The following GABRR3 variants were observed in gnomAD, a reference collection of about 807,000 sequenced individuals.
GABRR3 encodes gamma-aminobutyric acid type A receptor subunit rho3, also known as gamma-aminobutyric acid receptor subunit rho-3.
A neutral mutation model predicts 43.2 loss-of-function variants in GABRR3; 29 were observed. The ratio of observed to expected loss-of-function variants is 0.67; its 90% confidence interval spans 0.50 to 0.92. GABRR3 has a LOEUF of 0.92. Among genes scored for constraint, GABRR3 ranks in the 40% least tolerant of loss-of-function variants. The pLI, the probability that GABRR3 is intolerant of heterozygous loss-of-function variation, is 0.00. For synonymous variants in GABRR3, 206 were observed against 195.9 expected (o/e 1.05, Z -0.43); for missense variants, 576 against 572.3 (o/e 1.01, Z -0.07).
intron 3 of GABRR3, among the ~76,000 whole-genome samples, chr3:98,023,159 C>T (rs561682632): frequency 6.6e-6 from 1 of 152,280 alleles, no homozygotes; most frequent in Non-Finnish European, 1.5e-5. Context: ...CCATGGACCA[C>T]TTTGAGTGTC....
At chr3:98,003,768 C>T (rs79852770) in intron 7 of GABRR3, among the ~76,000 whole-genome samples, 11,356 of 152,160 alleles carry the variant, frequency 0.075, 612 homozygotes, top group East Asian at 0.24. Context: ...AGGCAGCCTT[C>T]ACCCTAGCTG....
chr3:98,004,977 A>ATGCTC, intron 7 of GABRR3, among the ~76,000 whole-genome samples: 2 of 152,210 alleles, frequency 1.3e-5, no homozygotes, highest in African/African-American at 4.8e-5. Context: ...CATGAACTAA[A>ATGCTC]ATAAGTTTCT....
intron 8 of GABRR3, chr3:97,999,133 T>C (rs1213036797): frequency 2.6e-5 from 4 of 152,286 alleles, no homozygotes; most frequent in African/African-American, 9.6e-5. Flanking sequence ...GCTTCCCTGC[T>C]AACCCATTAA....
At chr3:97,986,258 C>G (rs1441574726), downstream of GABRR3, among the ~76,000 whole-genome samples, 1 of 152,164 alleles carries the variant, frequency 6.6e-6, no homozygotes, top group East Asian at 1.9e-4. Flanking sequence ...GTGGATGATA[C>G]CACCTCTATG....
In GABRR3 at chr3:98,006,546, C is replaced by G. The variant is rs559562555; in HGVS notation, c.754+1218G>C. 5.3e-5 allele frequency among the ~76,000 whole-genome samples: 8 copies of G among 152,324 alleles called. 1 individual carries two copies. The South Asian group carries it at 1.7e-3, about 32-fold the overall frequency. On this transcript the variant is annotated intron_variant, in intron 7 of 9. Coordinates refer to ENST00000621172, the Ensembl canonical transcript of GABRR3. ...TAGATACAAACTTGATAACTACTCT[C>G]CAAGATCTGAGAACAGAGTGGAGAA...
intron 9 of GABRR3, among the ~76,000 whole-genome samples, chr3:97,988,326 C>T (rs9851673): frequency 0.21 from 32,274 of 152,034 alleles, 3,578 homozygotes; most frequent in East Asian, 0.34. Flanking sequence ...AATCCTTCTG[C>T]CTTGGCCTCC....
intron 8 of GABRR3, among the ~76,000 whole-genome samples, chr3:97,997,177 T>C (rs1225864809): frequency 6.6e-6 from 1 of 152,114 alleles, no homozygotes; most frequent in East Asian, 1.9e-4. Context: ...TGTTCAAAGA[T>C]GAGAGAGACC....
chr3:98,012,372 G>C (rs752975544), exon 5 of GABRR3: 1 of 1,613,808 alleles, frequency 6.2e-7, no homozygotes, highest in South Asian at 1.1e-5. Flanking sequence ...TTTCCATCAG[G>C]GTGTACGCGC....
At position 98,029,682 on chromosome 3, in the gene GABRR3, G is replaced by A. The variant is rs925070986; in HGVS notation, c.126-4003C>T. ...ACACGAAGAGACTAGTTACCCAAGG[G>A]AGGACATAATTAATAAGCAAATTTA... On this transcript the variant is annotated intron_variant, in intron 2 of 9. Transcript: ENST00000621172. Among the ~76,000 whole-genome samples, 7 of 152,142 alleles carry A rather than the reference G, an allele frequency of 4.6e-5. No homozygotes were observed. In the East Asian group the frequency reaches 1.2e-3, roughly 25 times the overall value.
chr3:98,028,164 T>C (rs1707046018), intron 2 of GABRR3, among the ~76,000 whole-genome samples: 2 of 152,194 alleles, frequency 1.3e-5, no homozygotes, highest in African/African-American at 4.8e-5. Context: ...ATGATTCACT[T>C]TCTCCAATTA....
intron 5 of GABRR3, among the ~76,000 whole-genome samples, chr3:98,012,070 T>G (rs565631889): frequency 5.3e-5 from 8 of 152,264 alleles, no homozygotes; most frequent in African/African-American, 1.9e-4. Flanking sequence ...TTACTTATAA[T>G]ATTGTGTGCC....
chr3:98,020,137 G>C (rs936138914), intron 3 of GABRR3, among the ~76,000 whole-genome samples: 2 of 152,132 alleles, frequency 1.3e-5, no homozygotes, highest in Non-Finnish European at 2.9e-5. Context: ...AGGAGCGGCA[G>C]AATGTCCCAA....
chr3:98,001,587 C>A (rs1240820373), intron 8 of GABRR3, 28 bp downstream of exon 8: 6 of 1,611,164 alleles, frequency 3.7e-6, no homozygotes, highest in Non-Finnish European at 5.1e-6. Flanking sequence ...CCCATGTTAA[C>A]ATTTTATAAA....
chr3:98,031,011 C>G (rs1688361), intron 2 of GABRR3, among the ~76,000 whole-genome samples: 69,966 of 151,940 alleles, frequency 0.46, 16,498 homozygotes, highest in East Asian at 0.54. Context: ...TTTCCAGGCT[C>G]TGGATGTTTT....
intron 4 of GABRR3, among the ~76,000 whole-genome samples, chr3:98,013,696 T>A (rs951567819): frequency 3.3e-5 from 5 of 152,232 alleles, no homozygotes; most frequent in African/African-American, 1.2e-4. Context: ...GATTTATGGC[T>A]CTGGATTAAT....
intron 7 of GABRR3, among the ~76,000 whole-genome samples, chr3:98,006,850 G>A (rs1186141256): frequency 6.6e-6 from 1 of 152,176 alleles, no homozygotes; most frequent in Non-Finnish European, 1.5e-5. Flanking sequence ...ACTTTAAAAG[G>A]TGTCTTGGAT....
intron 2 of GABRR3, among the ~76,000 whole-genome samples, chr3:98,028,563 A>T (rs763344452): frequency 6.6e-6 from 1 of 152,168 alleles, no homozygotes; most frequent in Non-Finnish European, 1.5e-5. Flanking sequence ...GTACCCAGGA[A>T]CTTTTTACAC....
chr3:98,023,554 G>C (rs1706977264), intron 3 of GABRR3, among the ~76,000 whole-genome samples: 1 of 152,126 alleles, frequency 6.6e-6, no homozygotes, highest in African/African-American at 2.4e-5. Context: ...CTGCGTAGTA[G>C]TTGTAGAACC....
Position 98,001,384 on chromosome 3 carries a change from T to G in GABRR3, c.907+231A>C, listed in dbSNP as rs997267713. 5.8e-6 allele frequency: 3 copies of G among 514,866 alleles called. No homozygotes were observed. In the East Asian group the frequency reaches 9.1e-5, roughly 16 times the overall value. 31.9% of individuals were successfully genotyped at this position (514,866 alleles called of 1,614,324 possible). A position where few individuals can be genotyped will look rare whatever the true frequency, so the allele number is the denominator to read the frequency against. On this transcript the variant is annotated intron_variant, in intron 8 of 9. Transcript: ENST00000621172. Reference sequence around the variant, plus strand: ...CCCCCTTTCTTTACTATCACCCAACTGCAGGTCAGTCAGCAAAGACTTCAT... The same window carrying G: ...CCCCCTTTCTTTACTATCACCCAACGGCAGGTCAGTCAGCAAAGACTTCAT...
Sources: allele counts gnomAD v4.1 joint callset (sites outside exome capture counted in the v4.1 genomes callset), GRCh38; gene constraint gnomAD v4.1.1; transcripts MANE v1.5; gene names NCBI Gene and HGNC (gene_info 2026-07-23, HGNC 2026-07-21).